GPC6: variants seen among roughly 807,000 people sequenced by gnomAD.
The protein encoded by GPC6 is glypican-6.
GPC6 carries 14 observed loss-of-function variants against 55.2 expected under a neutral mutation model. The observed-to-expected ratio is 0.25, with a 90% CI of 0.17 to 0.40. The LOEUF is 0.40. GPC6 is among the 10% of genes least tolerant of loss of function. The probability of loss-of-function intolerance (pLI) is 1.00; values close to 1 mark genes in which losing one functional copy is unlikely to be tolerated. For synonymous variants in GPC6, 278 were observed against 259.6 expected (o/e 1.07, Z -0.68); for missense variants, 641 against 708.5 (o/e 0.90, Z 1.08).
intron 6 of GPC6, among the ~76,000 whole-genome samples, chr13:94,371,576 G>C (rs940369056): frequency 6.6e-6 from 1 of 152,126 alleles, no homozygotes; most frequent in African/African-American, 2.4e-5. Flanking sequence ...TCGAATGCAC[G>C]TGAGGGCCTC....
chr13:94,263,688 G>A (rs1029524976), intron 4 of GPC6, among the ~76,000 whole-genome samples: 3 of 152,200 alleles, frequency 2.0e-5, no homozygotes, highest in Admixed American at 6.5e-5. Context: ...CTATTGAAGA[G>A]TTCCAGCTCT....
intron 2 of GPC6, among the ~76,000 whole-genome samples, chr13:93,585,787 A>C (rs1191522991): frequency 6.6e-6 from 1 of 152,196 alleles, no homozygotes; most frequent in Non-Finnish European, 1.5e-5. Context: ...ATGTCAGCCA[A>C]TGCACACTAG....
At chr13:93,457,818 T>C (rs1878519859) in intron 1 of GPC6, among the ~76,000 whole-genome samples, 1 of 149,670 alleles carries the variant, frequency 6.7e-6, no homozygotes, top group African/African-American at 2.4e-5. Flanking sequence ...CATCCATGTA[T>C]CTGTCGATCA....
At chr13:93,789,044 G>A (rs1409332862) in intron 2 of GPC6, among the ~76,000 whole-genome samples, 1 of 152,042 alleles carries the variant, frequency 6.6e-6, no homozygotes, top group African/African-American at 2.4e-5. Context: ...CATTTCTAGT[G>A]GATTGGATGT....
chr13:93,472,269 C>T (rs377172268), intron 1 of GPC6, among the ~76,000 whole-genome samples: 22 of 152,250 alleles, frequency 1.4e-4, no homozygotes, highest in East Asian at 7.7e-4. Flanking sequence ...GTGCCTTTTC[C>T]GCATTTTCCT....
chr13:93,827,259 C>T (rs763443361), intron 2 of GPC6, among the ~76,000 whole-genome samples: 38 of 152,148 alleles, frequency 2.5e-4, no homozygotes, highest in Admixed American at 2.5e-3. Flanking sequence ...ATGTTGCTTG[C>T]ACATGATACT....
intron 3 of GPC6, among the ~76,000 whole-genome samples, chr13:93,849,583 A>G (rs1397929062): frequency 6.6e-6 from 1 of 152,138 alleles, no homozygotes; most frequent in African/African-American, 2.4e-5. Context: ...CAAAACACCT[A>G]TATCTATACT....
chr13:93,611,816 T>C (rs1053681460), intron 2 of GPC6, among the ~76,000 whole-genome samples: 2 of 152,234 alleles, frequency 1.3e-5, no homozygotes, highest in Non-Finnish European at 2.9e-5. Flanking sequence ...TTAATTTTAA[T>C]AATAAAGTAA....
intron 4 of GPC6, among the ~76,000 whole-genome samples, chr13:94,188,374 G>A (rs944186781): frequency 6.6e-6 from 1 of 152,100 alleles, no homozygotes; most frequent in African/African-American, 2.4e-5. Flanking sequence ...CCACAGGCAC[G>A]AGTGACTTTC....
chr13:93,672,665 A>ATC (rs1337396911), intron 2 of GPC6, among the ~76,000 whole-genome samples: 1 of 150,762 alleles, frequency 6.6e-6, no homozygotes, highest in Non-Finnish European at 1.5e-5. Context: ...TGCCATATAT[A>ATC]TATACACACA....
At chr13:93,537,290 C>CAATA (rs1330607754) in intron 1 of GPC6, among the ~76,000 whole-genome samples, 1 of 152,130 alleles carries the variant, frequency 6.6e-6, no homozygotes, top group Non-Finnish European at 1.5e-5. Context: ...TACCACCTTC[C>CAATA]AATAGATGGA....
Position 93,241,413 on chromosome 13 carries a change from T to C in GPC6, c.160+13797T>C, listed in dbSNP as rs143586698. On this transcript the variant is annotated intron_variant, in intron 1 of 8. Transcript: ENST00000377047. ...TATCCAAGCTCTGAAATTATTTCTT[T>C]TGCTTGGTCTAGTCTCTTGGTAAAA... Among the ~76,000 whole-genome samples the C allele has an allele frequency of 2.9e-3, 446 of 152,314 alleles. 1 individual carries two copies. Among genetic ancestry groups the C allele is most frequent in the African/African-American group, 9.2e-3 (382 of 41,588 alleles).
At chr13:94,009,040 T>G (rs1882135776) in intron 3 of GPC6, among the ~76,000 whole-genome samples, 1 of 152,188 alleles carries the variant, frequency 6.6e-6, no homozygotes, top group Non-Finnish European at 1.5e-5. Context: ...TTCCTTCAGA[T>G]TGAGTTATCA....
At position 93,308,027 on chromosome 13, in the gene GPC6, G is replaced by A. The variant is rs563212711; in HGVS notation, c.160+80411G>A. On this transcript the variant is annotated intron_variant, in intron 1 of 8. Transcript: ENST00000377047. Reference sequence around the variant, plus strand: ...AGGCCGGGCACGGTGGCTCACGTCTGTAATCCCAGCACTTTGGGAGGCCGA... The same window carrying A: ...AGGCCGGGCACGGTGGCTCACGTCTATAATCCCAGCACTTTGGGAGGCCGA... Among the ~76,000 whole-genome samples the A allele has an allele frequency of 2.1e-4, 32 of 152,294 alleles. 2 individuals carry two copies. In the South Asian group the frequency reaches 6.6e-3, roughly 32 times the overall value.
chr13:93,932,916 G>A (rs145570021), intron 3 of GPC6, among the ~76,000 whole-genome samples: 13 of 149,924 alleles, frequency 8.7e-5, no homozygotes, highest in African/African-American at 2.7e-4. Flanking sequence ...TCCAAAATGA[G>A]TCTTATTGGG....
chr13:93,789,579 CTATATATATATAATACTACATATA>C (rs1885939579), intron 2 of GPC6, among the ~76,000 whole-genome samples: 1 of 59,032 alleles, frequency 1.7e-5, no homozygotes, highest in Non-Finnish European at 3.4e-5. Flanking sequence ...TATATAAATA[CTATATATATATAATACTACATATA>C]TATATATATA....
At chr13:93,410,614 TC>T (rs200428428) in intron 1 of GPC6, among the ~76,000 whole-genome samples, 1 of 152,196 alleles carries the variant, frequency 6.6e-6, no homozygotes, top group Non-Finnish European at 1.5e-5. Flanking sequence ...AAGTCAATTT[TC>T]TTTTTCGTTT....
chr13:94,175,953 TATAGAG>T lies in GPC6; in HGVS notation c.878-110394_878-110389del, dbSNP rs1490259223. Among the ~76,000 whole-genome samples, 367 of 106,568 alleles carry T rather than the reference TATAGAG, an allele frequency of 3.4e-3. 2 individuals are homozygous for T. Among genetic ancestry groups the T allele is most frequent in the African/African-American group, 8.9e-3 (270 of 30,254 alleles). The allele number at this position is 106,568 out of a possible 152,430, so 69.9% of individuals were successfully genotyped here. A position where few individuals can be genotyped will look rare whatever the true frequency, so the allele number is the denominator to read the frequency against. On this transcript the variant is annotated intron_variant, in intron 4 of 8. Coordinates refer to ENST00000377047, the MANE Select transcript of GPC6 (RefSeq NM_005708.5). ...CAAATGAGCCATATATATATATATATATAGAGAGAGAGAGAGAGAGAGAGAGAGAGA... is the reference window on the plus strand; with the variant it reads ...CAAATGAGCCATATATATATATATATAGAGAGAGAGAGAGAGAGAGAGAGA...
At chr13:93,617,442 G>T (rs936738064) in intron 2 of GPC6, among the ~76,000 whole-genome samples, 10 of 152,056 alleles carry the variant, frequency 6.6e-5, no homozygotes, top group Non-Finnish European at 4.4e-5. Context: ...TGAAGAGAGA[G>T]ATATAACTTA....
Sources: gnomAD v4.1 joint callset for allele counts (sites outside exome capture counted in the v4.1 genomes callset) on GRCh38, gnomAD v4.1.1 for gene constraint, MANE v1.5 for transcripts, NCBI Gene and HGNC (gene_info 2026-07-23, HGNC 2026-07-21) for gene names.